The following LMBRD1 variants were observed in gnomAD, a reference collection of about 807,000 sequenced individuals.
LMBRD1 encodes LMBR1 domain containing 1, also known as lysosomal cobalamin transport escort protein LMBD1.
LMBRD1 carries 64 observed loss-of-function variants against 74.8 expected under a neutral mutation model. The ratio of observed to expected loss-of-function variants is 0.86; its 90% CI spans 0.70 to 1.05. The LOEUF is 1.05. Ranked by LOEUF, LMBRD1 falls within the 50% of genes least tolerant of loss-of-function variation. LMBRD1 has a pLI of 0.00. For synonymous variants in LMBRD1, 204 were observed against 216.3 expected (o/e 0.94, Z 0.50); for missense variants, 652 against 645.9 (o/e 1.01, Z -0.10).
chr6:69,734,429 CTT>C (rs1766929999), intron 7 of LMBRD1, among the ~76,000 whole-genome samples: 1 of 148,788 alleles, frequency 6.7e-6, no homozygotes, highest in Non-Finnish European at 1.5e-5. Flanking sequence ...GAGTCTTGCT[CTT>C]GTCTCCCAGG....
rs1765806675 is a variant in LMBRD1 at position 69,780,498 on chromosome 6, G to A, written c.303C>T (p.Tyr101=). ...RQIEDTVLYG[Y]YTLYSVILFC... is the part of the protein sequence containing the mutation. The stretch of plus-strand genomic sequence containing the variant: ...AAGAAACTGAAAGATACTTACTATA[G>A]TAACCGTATAATACAGTGTCCTCAA... Residue 101 remains tyrosine (Y), a synonymous_variant, in exon 3 of 16, where the codon TAC becomes TAT. Transcript: ENST00000649934. 1 of 1,605,426 alleles carries A rather than the reference G, an allele frequency of 6.2e-7. No individual in the cohort carries two copies. Among genetic ancestry groups the A allele is most frequent in the Non-Finnish European group, 8.5e-7 (1 of 1,172,304 alleles).
chr6:69,726,401 C>T (rs1162025581), intron 7 of LMBRD1, among the ~76,000 whole-genome samples: 1 of 152,108 alleles, frequency 6.6e-6, no homozygotes, highest in Non-Finnish European at 1.5e-5. Flanking sequence ...AAAGGAGATC[C>T]ATATATCAAA....
chr6:69,692,735 C>T (rs563569345), intron 14 of LMBRD1, among the ~76,000 whole-genome samples: 1 of 152,214 alleles, frequency 6.6e-6, no homozygotes, highest in East Asian at 1.9e-4. Context: ...GAATAAATCA[C>T]CATCTCCTTT....
At chr6:69,728,167 G>A (rs1228234641) in intron 7 of LMBRD1, among the ~76,000 whole-genome samples, 4 of 152,154 alleles carry the variant, frequency 2.6e-5, no homozygotes, top group Non-Finnish European at 5.9e-5. Flanking sequence ...GCTGGAGCAG[G>A]AAGAAGAGAG....
chr6:69,687,737 C>G (rs943636519), intron 14 of LMBRD1, among the ~76,000 whole-genome samples: 2 of 152,066 alleles, frequency 1.3e-5, no homozygotes. Flanking sequence ...TCAAAATTAT[C>G]AAAATTCTAG....
intron 3 of LMBRD1, among the ~76,000 whole-genome samples, chr6:69,762,917 T>G (rs1255984395): frequency 2.6e-5 from 4 of 152,158 alleles, no homozygotes; most frequent in Non-Finnish European, 4.4e-5. Context: ...AAATGTTTAT[T>G]GATTAGGTCA....
chr6:69,692,214 T>C (rs2445961), intron 14 of LMBRD1, among the ~76,000 whole-genome samples: 137,243 of 152,112 alleles, frequency 0.9, 63,126 homozygotes, highest in Non-Finnish European at 0.99. Context: ...GCCCTAGTAA[T>C]ATGGTATCCT....
At chr6:69,775,434 C>T (rs775911851) in intron 3 of LMBRD1, among the ~76,000 whole-genome samples, 11 of 152,198 alleles carry the variant, frequency 7.2e-5, no homozygotes, top group Non-Finnish European at 1.5e-4. Context: ...AGGGTATTCA[C>T]AACATCAAAA....
At chr6:69,793,420 T>C (rs1259136202) in intron 1 of LMBRD1, among the ~76,000 whole-genome samples, 1 of 152,184 alleles carries the variant, frequency 6.6e-6, no homozygotes, top group African/African-American at 2.4e-5. Context: ...GGTCACATAT[T>C]TGGTATTTCT....
In LMBRD1 at chr6:69,705,791, C is replaced by T. The variant is rs1766241474; in HGVS notation, c.916-3838G>A. On this transcript the variant is annotated intron_variant, in intron 9 of 15. Transcript: ENST00000649934. ...CATCCTCCTCCTCTTCATCTACTGA[C>T]TGCATCTTCCTCCACTGCTACTAAA... is the stretch of plus-strand genomic sequence containing the variant. 3.4e-6 allele frequency: 4 copies of T among 1,174,958 alleles called. No homozygotes were observed. In the African/African-American group the frequency reaches 6.0e-5, roughly 18 times the overall value. The allele number at this position is 1,174,958 out of a possible 1,614,324, so 72.8% of individuals were successfully genotyped here.
chr6:69,796,265 A>G (rs1258328326), intron 1 of LMBRD1, among the ~76,000 whole-genome samples: 3 of 152,144 alleles, frequency 2.0e-5, no homozygotes, highest in Admixed American at 2.0e-4. Context: ...AGAGAATGTG[A>G]CACCTGGAAG....
chr6:69,689,052 A>T (rs1214748621), intron 14 of LMBRD1, among the ~76,000 whole-genome samples: 2 of 152,064 alleles, frequency 1.3e-5, no homozygotes, highest in East Asian at 3.8e-4. Context: ...TGGTTTCAAG[A>T]CTTCTATAAG....
chr6:69,676,681 T>C (rs896320363), intron 14 of LMBRD1, 140 bp from the exon 15 acceptor site: 10 of 733,326 alleles, frequency 1.4e-5, no homozygotes, highest in Middle Eastern at 2.7e-4. Context: ...TACTGAAACT[T>C]AGGTCTCTCT....
chr6:69,712,688 T>C (rs923593313), intron 9 of LMBRD1, among the ~76,000 whole-genome samples: 6 of 152,012 alleles, frequency 3.9e-5, no homozygotes, highest in African/African-American at 1.2e-4. Context: ...AAAGTATAGA[T>C]ATAGAAATTA....
intron 3 of LMBRD1, among the ~76,000 whole-genome samples, chr6:69,754,455 A>C (rs1217500719): frequency 6.6e-6 from 1 of 152,222 alleles, no homozygotes; most frequent in African/African-American, 2.4e-5. Context: ...CAGATAAAAG[A>C]AACTCAAATC....
Position 69,741,316 on chromosome 6 carries a change from C to T in LMBRD1, c.562+473G>A, listed in dbSNP as rs544827783. ...TGGCTAAAAGCAAGCCTTAAGAATG[C>T]AACACTTCTAATTTGTCTAGCATTA... On this transcript the variant is annotated intron_variant, in intron 6 of 15. Coordinates refer to ENST00000649934, the MANE Select transcript of LMBRD1 (RefSeq NM_018368.4). Among the ~76,000 whole-genome samples, 4 of 151,718 alleles carry T rather than the reference C, an allele frequency of 2.6e-5. No homozygotes were observed. The South Asian group carries it at 8.3e-4, about 32-fold the overall frequency.
chr6:69,766,119 T>A (rs1765470577), intron 3 of LMBRD1, among the ~76,000 whole-genome samples: 1 of 151,534 alleles, frequency 6.6e-6, no homozygotes, highest in Non-Finnish European at 1.5e-5. Context: ...ATAATAAAAA[T>A]TAATATTTAA....
intron 7 of LMBRD1, among the ~76,000 whole-genome samples, chr6:69,722,476 A>G (rs900819545): frequency 6.6e-6 from 1 of 152,026 alleles, no homozygotes; most frequent in African/African-American, 2.4e-5. Context: ...AAAAAAAAAA[A>G]CTTTTCAAGA....
At chr6:69,723,867 A>G (rs1485263447) in intron 7 of LMBRD1, among the ~76,000 whole-genome samples, 2 of 152,012 alleles carry the variant, frequency 1.3e-5, no homozygotes, top group Non-Finnish European at 2.9e-5. Flanking sequence ...AAGATAGATG[A>G]AACAAAAAGT....
Sources: allele counts gnomAD v4.1 joint callset (sites outside exome capture counted in the v4.1 genomes callset), GRCh38; gene constraint gnomAD v4.1.1; transcripts MANE v1.5; gene names NCBI Gene and HGNC (gene_info 2026-07-23, HGNC 2026-07-21).